PLXND1: variants seen among roughly 807,000 people sequenced by gnomAD.
The protein encoded by PLXND1 is plexin D1, also known as plexin-D1.
PLXND1 carries 54 observed loss-of-function variants against 197.7 expected under a neutral mutation model. The observed-to-expected ratio is 0.27, with a 90% CI of 0.22 to 0.34. PLXND1 has a LOEUF of 0.34. PLXND1 is among the 10% of genes least tolerant of loss of function. The pLI is 1.00. For synonymous variants in PLXND1, 1,180 were observed against 1,161.2 expected (o/e 1.02, Z -0.33); for missense variants, 2,127 against 2,699.2 (o/e 0.79, Z 4.70).
At chr3:129,584,615 C>T in intron 5 of PLXND1, 53 bp from the exon 6 acceptor site, 1 of 1,537,002 alleles carries the variant, frequency 6.5e-7, no homozygotes, top group East Asian at 2.3e-5. Context: ...TCCTCACAGC[C>T]TGCCCCAGGG....
intron 1 of PLXND1, among the ~76,000 whole-genome samples, chr3:129,603,123 G>A (rs1417941744): frequency 1.3e-5 from 2 of 152,234 alleles, no homozygotes; most frequent in African/African-American, 4.8e-5. Flanking sequence ...AAGTGGCACT[G>A]GCCTGTGCCC....
At chr3:129,583,430 T>C (rs907298043) in intron 8 of PLXND1, 137 bp downstream of exon 8, 2 of 615,234 alleles carry the variant, frequency 3.3e-6, no homozygotes, top group East Asian at 2.8e-5. Flanking sequence ...CACCGTGGTA[T>C]GTGATGAGCC....
intron 1 of PLXND1, among the ~76,000 whole-genome samples, chr3:129,604,853 G>A (rs894306837): frequency 6.6e-6 from 1 of 152,186 alleles, no homozygotes; most frequent in African/African-American, 2.4e-5. Context: ...CAGGGCCCTG[G>A]TGCACACCTG....
intron 20 of PLXND1, chr3:129,569,455 G>C: frequency 1.1e-5 from 2 of 183,790 alleles, no homozygotes; most frequent in South Asian, 2.6e-4. Context: ...CTGCTACATC[G>C]AGTCTATTAC....
At position 129,566,156 on chromosome 3, in the gene PLXND1, C is replaced by T. The variant is rs572866476; in HGVS notation, c.4192-139G>A. The T allele has an allele frequency of 2.9e-5, 24 of 815,308 alleles. No homozygotes were observed. The South Asian group carries it at 4.1e-4, about 14-fold the overall frequency. The allele number at this position is 815,308 out of a possible 1,614,324, so 50.5% of individuals were successfully genotyped here. A position where few individuals can be genotyped will look rare whatever the true frequency, so the allele number is the denominator to read the frequency against. The stretch of plus-strand genomic sequence containing the variant: ...CCTTCCACGGTGGATGCCTCCTAAC[C>T]TTTGTGACAGGGAACAATAGCTTGG... On this transcript the variant is annotated intron_variant, in intron 23 of 35. Transcript: ENST00000324093.
At position 129,577,965 on chromosome 3, in the gene PLXND1, G is replaced by T. The variant is rs1481630068; in HGVS notation, c.2346+364C>A. ...GGGCAGTGGGCTCGGCGGTGGGTGG[G>T]TGTGTCCAGGGTCACAGCTCAGGCT... On this transcript the variant is annotated intron_variant, in intron 9 of 35. Coordinates refer to ENST00000324093, the MANE Select transcript of PLXND1 (RefSeq NM_015103.3). This position sits in a 1 kb window ranked among gnomAD's most constrained non-coding sequence, Gnocchi z 5.0. 1.3e-5 allele frequency among the ~76,000 whole-genome samples: 2 copies of T among 152,188 alleles called. No homozygotes were observed. Among genetic ancestry groups the T allele is most frequent in the Non-Finnish European group, 2.9e-5 (2 of 68,028 alleles).
Position 129,572,642 on chromosome 3 carries a change from A to T in PLXND1, c.3044T>A (p.Leu1015Gln). The change falls in exon 15 of 36, where the codon CTG (leucine) becomes CAG (glutamine). Residue 1015 changes from leucine to glutamine, a missense_variant. Leu to Gln is a moderately radical substitution (Grantham distance 113, BLOSUM62 -2). Coordinates refer to ENST00000324093, the MANE Select transcript of PLXND1 (RefSeq NM_015103.3). The stretch of plus-strand genomic sequence containing the variant: ...CGTGCAGGGGTCTGTGTCGTTCACC[A>T]GGACCTGGAGCTCGGAGCCTACATG... ...DLHVGSELQV[L>Q]VNDTDPCTEL... is the part of the protein sequence containing the mutation. 2 of 1,596,164 alleles carry T rather than the reference A, an allele frequency of 1.3e-6. No individual in the cohort carries two copies. The highest frequency in any genetic ancestry group is 1.7e-6 in the Non-Finnish European group (2 of 1,171,056).
Position 129,556,185 on chromosome 3 carries a change from C to G in PLXND1, c.*127G>C. 2 of 742,932 alleles carry G rather than the reference C, an allele frequency of 2.7e-6. No individual in the cohort carries two copies. The highest frequency in any genetic ancestry group is 2.4e-6 in the Non-Finnish European group (1 of 424,894). 46.0% of individuals were successfully genotyped at this position (742,932 alleles called of 1,614,324 possible). Reference sequence around the variant, plus strand: ...TCTCAGAGAGCAGCCCCTCCTCCTGCCCCCGCCCCAGCCGTCTCTGCTCAG... The same window carrying G: ...TCTCAGAGAGCAGCCCCTCCTCCTGGCCCCGCCCCAGCCGTCTCTGCTCAG... On this transcript the variant is annotated 3_prime_UTR_variant, in exon 36 of 36. Coordinates refer to ENST00000324093, the MANE Select transcript of PLXND1 (RefSeq NM_015103.3).
At chr3:129,596,857 G>C (rs917805292) in intron 1 of PLXND1, among the ~76,000 whole-genome samples, 1 of 152,124 alleles carries the variant, frequency 6.6e-6, no homozygotes, top group African/African-American at 2.4e-5. Flanking sequence ...AAGAAGACAG[G>C]GCTGCTTGGA....
At chr3:129,591,719 C>G (rs1289503093) in intron 1 of PLXND1, 1 of 152,182 alleles carries the variant, frequency 6.6e-6, no homozygotes, top group African/African-American at 2.4e-5. Flanking sequence ...AAATTCAGGG[C>G]AAATCATGCC....
At chr3:129,567,314 G>A (rs970369606) in intron 22 of PLXND1, among the ~76,000 whole-genome samples, 178 bp downstream of exon 22, 3 of 152,208 alleles carry the variant, frequency 2.0e-5, no homozygotes, top group Non-Finnish European at 2.9e-5. Context: ...TGACAGTGGA[G>A]AATCTGCCTC....
At chr3:129,585,434 C>T (rs545141146) in intron 5 of PLXND1, among the ~76,000 whole-genome samples, 5 of 152,332 alleles carry the variant, frequency 3.3e-5, no homozygotes, top group South Asian at 2.1e-4. Flanking sequence ...TGGCACAAGC[C>T]GGGGGAGACC....
At chr3:129,603,092 G>T (rs2085733763) in intron 1 of PLXND1, among the ~76,000 whole-genome samples, 1 of 152,244 alleles carries the variant, frequency 6.6e-6, no homozygotes, top group Admixed American at 6.5e-5. Flanking sequence ...GGGACCTTGA[G>T]CACCTCTGGG....
chr3:129,584,299 G>A (rs1280926037), intron 6 of PLXND1, 66 bp from the exon 7 acceptor site: 2 of 1,595,128 alleles, frequency 1.3e-6, no homozygotes, highest in East Asian at 2.2e-5. Flanking sequence ...ATCAGAAGCT[G>A]TGACCTCTGG....
In PLXND1 at chr3:129,565,490, C is replaced by T. The variant is rs1473787694; in HGVS notation, c.4371G>A (p.Glu1457=). The change falls in exon 25 of 36, where the codon GAG becomes GAA. Residue 1457 remains glutamate (E), a synonymous_variant. Transcript: ENST00000324093. The part of the protein sequence containing the change: ...LLTIALHGKL[E]YYTSIMKELL... ...GCTCCTTCATGATGCTGGTGTAGTA[C>T]TCCAGCTTGCCGTGCAGCGCGATGG... is the stretch of plus-strand genomic sequence containing the variant. 1 of 1,613,856 alleles carries T rather than the reference C, an allele frequency of 6.2e-7. No homozygotes were observed.
intron 1 of PLXND1, among the ~76,000 whole-genome samples, chr3:129,597,484 C>T (rs555129789): frequency 6.8e-5 from 10 of 148,074 alleles, no homozygotes; most frequent in African/African-American, 2.5e-4. Flanking sequence ...TGCCTGCGGG[C>T]CCCCCCCCAT....
intron 1 of PLXND1, among the ~76,000 whole-genome samples, chr3:129,600,696 C>T (rs1209449433): frequency 6.6e-6 from 1 of 151,652 alleles, no homozygotes; most frequent in African/African-American, 2.4e-5. Flanking sequence ...CTCCTAAATC[C>T]TGCCAAGTGT....
rs1381571830 is a variant in PLXND1 at position 129,563,040 on chromosome 3, T to C, written c.4668+54A>G. 3.7e-6 allele frequency: 6 copies of C among 1,611,660 alleles called. No homozygotes were observed. The Admixed American group carries it at 1.0e-4, about 27-fold the overall frequency. ...GCCCTGCAGAGGAAGGCTGGGTCAA[T>C]GCCGTTGGCGGCGACACAGCAGCCC... On this transcript the variant is annotated intron_variant, in intron 26 of 35. Transcript: ENST00000324093.
rs1263826627 is a variant in PLXND1, at chr3:129,556,173, C to T, written c.*139G>A. 5 of 699,704 alleles carry T rather than the reference C, an allele frequency of 7.1e-6. No homozygotes were observed. The highest frequency in any genetic ancestry group is 1.0e-5 in the Non-Finnish European group (4 of 393,368). 43.3% of individuals were successfully genotyped at this position (699,704 alleles called of 1,614,324 possible). A position where few individuals can be genotyped will look rare whatever the true frequency, so the allele number is the denominator to read the frequency against. ...GGGGCGCCCCTGTCTCAGAGAGCAG[C>T]CCCTCCTCCTGCCCCCGCCCCAGCC... On this transcript the variant is annotated 3_prime_UTR_variant, in exon 36 of 36. Coordinates refer to ENST00000324093, the MANE Select transcript of PLXND1 (RefSeq NM_015103.3).
Sources: gnomAD v4.1 joint callset for allele counts (sites outside exome capture counted in the v4.1 genomes callset) on GRCh38, gnomAD v4.1.1 for gene constraint, Gnocchi (gnomAD v3.1) non-coding constraint, MANE v1.5 for transcripts, NCBI Gene and HGNC (gene_info 2026-07-23, HGNC 2026-07-21) for gene names.